The following ACO1 variants were observed in gnomAD, a reference collection of about 807,000 sequenced individuals.
ACO1 encodes the protein cytoplasmic aconitate hydratase.
In ACO1, 78 loss-of-function variants were observed where a neutral mutation model predicts 105.1. The observed-to-expected ratio is 0.74, with a 90% CI of 0.62 to 0.90. The LOEUF (loss-of-function observed/expected upper bound fraction) is 0.90, where lower values mean the gene tolerates loss of function less well. Among genes scored for constraint, ACO1 ranks in the 40% least tolerant of loss-of-function variants. The probability of loss-of-function intolerance (pLI) is 0.00; values close to 1 mark genes in which losing one functional copy is unlikely to be tolerated. For missense variants in ACO1, 965 were observed against 1,111.1 expected, an observed-to-expected ratio of 0.87 and a Z score of 1.87; for synonymous variants, 364 against 397.4, an observed-to-expected ratio of 0.92 and a Z score of 1.00.
intron 10 of ACO1, among the ~76,000 whole-genome samples, chr9:32,424,990 C>A (rs1822057138): frequency 6.6e-6 from 1 of 152,244 alleles, no homozygotes; most frequent in Non-Finnish European, 1.5e-5. Flanking sequence ...TTCTCCAACT[C>A]ATATTACTCT....
At chr9:32,426,380 G>A (rs1274800023) in intron 11 of ACO1, among the ~76,000 whole-genome samples, 1 of 152,194 alleles carries the variant, frequency 6.6e-6, no homozygotes, top group East Asian at 1.9e-4. Flanking sequence ...AATGCTGGGA[G>A]GTGTTTCTCA....
At chr9:32,420,032 C>T (rs1420216483) in intron 7 of ACO1, among the ~76,000 whole-genome samples, 1 of 115,102 alleles carries the variant, frequency 8.7e-6, no homozygotes, top group Non-Finnish European at 2.1e-5. Flanking sequence ...CATAGCTTAT[C>T]ACAAATGTCT....
At chr9:32,440,821 G>C (rs970423475) in intron 19 of ACO1, among the ~76,000 whole-genome samples, 2 of 152,192 alleles carry the variant, frequency 1.3e-5, no homozygotes, top group African/African-American at 4.8e-5. Context: ...TTGGGGGCAT[G>C]TCTATAGAAC....
chr9:32,425,454 CT>C (rs1822069743), intron 10 of ACO1, among the ~76,000 whole-genome samples: 1 of 152,052 alleles, frequency 6.6e-6, no homozygotes. Context: ...AATCCATAGT[CT>C]TAATCAGTCC....
intron 19 of ACO1, among the ~76,000 whole-genome samples, chr9:32,446,089 G>T (rs1291665843): frequency 6.6e-6 from 1 of 152,202 alleles, no homozygotes; most frequent in Non-Finnish European, 1.5e-5. Flanking sequence ...ATATTCTACT[G>T]ATTTGGGGTA....
chr9:32,415,078 G>T (rs1203117306), intron 4 of ACO1, among the ~76,000 whole-genome samples: 2 of 152,138 alleles, frequency 1.3e-5, no homozygotes, highest in African/African-American at 4.8e-5. Flanking sequence ...AGCAAATAGA[G>T]CATGCAAAGG....
At chr9:32,416,533 A>G (rs191654086) in intron 4 of ACO1, among the ~76,000 whole-genome samples, 7 of 152,168 alleles carry the variant, frequency 4.6e-5, no homozygotes, top group Admixed American at 1.3e-4. Flanking sequence ...AAGCATTCCA[A>G]TCCCCCCAAC....
chr9:32,405,887 T>C (rs543972881), intron 2 of ACO1, among the ~76,000 whole-genome samples: 5 of 152,182 alleles, frequency 3.3e-5, no homozygotes, highest in Non-Finnish European at 5.9e-5. Flanking sequence ...TTATAAAATA[T>C]AAGAGGTCCT....
At chr9:32,410,016 T>G (rs987078021) in intron 4 of ACO1, among the ~76,000 whole-genome samples, 2 of 152,168 alleles carry the variant, frequency 1.3e-5, no homozygotes, top group African/African-American at 2.4e-5. Context: ...TTTGTGAGGT[T>G]AGGAGCCAAG....
chr9:32,417,291 G>A (rs772215810), intron 4 of ACO1, among the ~76,000 whole-genome samples: 13 of 152,172 alleles, frequency 8.5e-5, no homozygotes, highest in Admixed American at 2.0e-4. Context: ...GTCAAAAAGT[G>A]TTAACTACTG....
chr9:32,425,245 A>G (rs550433838), intron 10 of ACO1, among the ~76,000 whole-genome samples: 4 of 152,378 alleles, frequency 2.6e-5, no homozygotes, highest in South Asian at 2.1e-4. Flanking sequence ...GGAGCCCGCA[A>G]GGTACCTAGC....
intron 4 of ACO1, among the ~76,000 whole-genome samples, chr9:32,409,607 T>C (rs555393590): frequency 1.3e-5 from 2 of 152,296 alleles, no homozygotes; most frequent in South Asian, 4.1e-4. Flanking sequence ...TCCCAGCACT[T>C]TGGAAGGCTG....
chr9:32,389,305 T>A (rs77112873), intron 1 of ACO1, among the ~76,000 whole-genome samples: 158 of 152,348 alleles, frequency 1.0e-3, no homozygotes, highest in Admixed American at 1.8e-3. Flanking sequence ...GCACACTTGC[T>A]TTTTAGATTT....
In ACO1 at chr9:32,436,274, C is replaced by T; in HGVS notation, c.2124C>T (p.Ser708=). 6.2e-7 allele frequency: 1 copy of T among 1,614,186 alleles called. No homozygotes were observed. Residue 708 remains serine (S), a synonymous_variant, in exon 18 of 21, where the codon TCC becomes TCT. Transcript: ENST00000309951. ...GCCTAACTCCACGAGAATTCAACTC[C>T]TATGGCTCCCGCCGAGGTAATGACG... is the stretch of plus-strand genomic sequence containing the variant. ...NRGLTPREFN[S]YGSRRGNDAV...
At chr9:32,443,594 G>GAAAT (rs1452725418) in intron 19 of ACO1, among the ~76,000 whole-genome samples, 3 of 152,146 alleles carry the variant, frequency 2.0e-5, no homozygotes, top group African/African-American at 7.2e-5. Context: ...TAATATTTCA[G>GAAAT]AAATAGAACT....
At chr9:32,446,509 G>A (rs60822405) in intron 19 of ACO1, among the ~76,000 whole-genome samples, 3,338 of 152,182 alleles carry the variant, frequency 0.022, 90 homozygotes, top group African/African-American at 0.069. Context: ...TCTTCTGAAT[G>A]CAGCACACTG....
At chr9:32,401,245 T>C (rs1320410547) in intron 1 of ACO1, among the ~76,000 whole-genome samples, 3 of 152,144 alleles carry the variant, frequency 2.0e-5, no homozygotes, top group African/African-American at 4.8e-5. Context: ...AGTAAGTGAT[T>C]ATAGAACTAA....
chr9:32,384,829 C>G (rs1821121875), intron 1 of ACO1, 94 bp downstream of exon 1: 1 of 247,770 alleles, frequency 4.0e-6, no homozygotes, highest in African/African-American at 2.3e-5. Context: ...ACCGAGGTGC[C>G]CGAGGCAGTG....
intron 2 of ACO1, among the ~76,000 whole-genome samples, chr9:32,405,958 G>GACA (rs1821600931): frequency 6.6e-6 from 1 of 152,226 alleles, no homozygotes; most frequent in South Asian, 2.1e-4. Context: ...GTGGGTTGTA[G>GACA]ACAAGCAGGA....
Sources: gnomAD v4.1 joint callset for allele counts (sites outside exome capture counted in the v4.1 genomes callset) on GRCh38, gnomAD v4.1.1 for gene constraint, MANE v1.5 for transcripts, NCBI Gene and HGNC (gene_info 2026-07-23, HGNC 2026-07-21) for gene names.